The following ZNF599 variants were observed in gnomAD, a reference collection of about 807,000 sequenced individuals.
The protein encoded by ZNF599 is zinc finger protein 599.
Under a neutral mutation model 11.7 loss-of-function variants are expected in ZNF599, and 10 were observed. The ratio of observed to expected loss-of-function variants is 0.86; its 90% confidence interval spans 0.53 to 1.45. The LOEUF is 1.45. ZNF599 is among the 40% of genes most tolerant of loss of function. The pLI is 0.00. For missense variants in ZNF599, 688 were observed against 713.6 expected (o/e 0.96, Z 0.41); for synonymous variants, 232 against 253.2 (o/e 0.92, Z 0.79).
chr19:34,773,864 G>A (rs1057439344), upstream of ZNF599, among the ~76,000 whole-genome samples: 6 of 152,154 alleles, frequency 3.9e-5, no homozygotes, highest in South Asian at 2.1e-4. Flanking sequence ...GGAACATACC[G>A]ATAAGAACAT....
chr19:34,807,503 C>T, the ZNF599 span, among the ~76,000 whole-genome samples: 1 of 152,218 alleles, frequency 6.6e-6, no homozygotes, highest in South Asian at 2.1e-4. Flanking sequence ...TTCCTGTTGC[C>T]TTCGCCTCCT....
At chr19:34,804,201 G>A in the ZNF599 span, among the ~76,000 whole-genome samples, 1 of 152,346 alleles carries the variant, frequency 6.6e-6, no homozygotes, top group African/African-American at 2.4e-5. Context: ...TTGCCCCTGT[G>A]CTAATCCACT....
chr19:34,761,979 T>C (rs1192250788), intron 3 of ZNF599, among the ~76,000 whole-genome samples: 1 of 152,106 alleles, frequency 6.6e-6, no homozygotes, highest in African/African-American at 2.4e-5. Context: ...TAGTATCAGA[T>C]AGCAAACTAT....
rs1453731420 is a variant in ZNF599 at position 34,773,187 on chromosome 19, A to G, written c.-346T>C. 1 of 310,214 alleles carries G rather than the reference A, an allele frequency of 3.2e-6. No individual in the cohort carries two copies. The highest frequency in any genetic ancestry group is 5.9e-6 in the Non-Finnish European group (1 of 169,664). 19.2% of individuals were successfully genotyped at this position (310,214 alleles called of 1,614,324 possible). ...AGCGTTGGCAACCACAGCAGCCGCA[A>G]CCTAACGGCGGACGAAGACTGGACG... On this transcript the variant is annotated 5_prime_UTR_variant, in exon 1 of 4. Transcript: ENST00000329285.
the ZNF599 span, chr19:34,779,346 C>T: frequency 3.4e-6 from 1 of 294,294 alleles, no homozygotes; most frequent in Non-Finnish European, 6.5e-6. Context: ...AGCGATCCTA[C>T]TGCCTTGGCC....
Position 34,760,201 on chromosome 19 carries a change from T to C in ZNF599, c.600A>G (p.Thr200=). 2 of 1,614,146 alleles carry C rather than the reference T, an allele frequency of 1.2e-6. No homozygotes were observed. Among genetic ancestry groups the C allele is most frequent in the South Asian group, 1.1e-5 (1 of 91,084 alleles). ...PMTDARNNPY[T]CTECGKGFSK... ...TAAACCCTTTCCCACATTCCGTGCA[T>C]GTGTAAGGGTTATTCCTTGCATCAG... is the stretch of plus-strand genomic sequence containing the variant. Residue 200 remains threonine (T), a synonymous_variant, in exon 4 of 4, where the codon ACA becomes ACG. Coordinates refer to ENST00000329285, the MANE Select transcript of ZNF599 (RefSeq NM_001007248.3).
the ZNF599 span, among the ~76,000 whole-genome samples, chr19:34,805,658 A>G: frequency 6.6e-6 from 1 of 151,152 alleles, no homozygotes; most frequent in East Asian, 2.1e-4. Context: ...CTCCTCCCTC[A>G]CTCTCAAAAT....
At position 34,759,501 on chromosome 19, in the gene ZNF599, C is replaced by T; in HGVS notation, c.1300G>A (p.Asp434Asn). The change falls in exon 4 of 4, where the codon GAC (aspartate) becomes AAC (asparagine). Residue 434 changes from aspartate (D) to asparagine (N), a missense_variant. Physicochemically the swap from Asp to Asn is conservative, Grantham distance 23 (BLOSUM62 1). Transcript: ENST00000329285. ...ATATGTTGAATTAAGGAAGAGCTGT[C>T]ACAAAAGGCCTTCCCACATTCTTTG... ...ECKECGKAFC[D>N]SSSLIQHMRI... The T allele has an allele frequency of 6.2e-7, 1 of 1,613,852 alleles. No individual in the cohort carries two copies. The highest frequency in any genetic ancestry group is 8.5e-7 in the Non-Finnish European group (1 of 1,179,968).
rs2069084294 is a variant in ZNF599 at position 34,758,286 on chromosome 19, A to G, written c.*748T>C. ...CAGCATTCACTAATTCAGTGTGCAC[A>G]GAAAATTCACAGAACCTAACTACCA... On this transcript the variant is annotated 3_prime_UTR_variant, in exon 4 of 4. Transcript: ENST00000329285. 6.6e-6 allele frequency: 1 copy of G among 152,244 alleles called. No homozygotes were observed. The highest frequency in any genetic ancestry group is 1.5e-5 in the Non-Finnish European group (1 of 68,046). 9.4% of individuals were successfully genotyped at this position (152,244 alleles called of 1,614,324 possible). A position where few individuals can be genotyped will look rare whatever the true frequency, so the allele number is the denominator to read the frequency against.
chr19:34,802,589 G>A, the ZNF599 span, among the ~76,000 whole-genome samples: 2 of 152,172 alleles, frequency 1.3e-5, no homozygotes, highest in Non-Finnish European at 2.9e-5. Flanking sequence ...ACAGAGAGTT[G>A]GGGATTAGCC....
At chr19:34,786,974 A>G in the ZNF599 span, among the ~76,000 whole-genome samples, 1 of 152,150 alleles carries the variant, frequency 6.6e-6, no homozygotes, top group African/African-American at 2.4e-5. Context: ...TAACATTGGG[A>G]CCACCTGATA....
chr19:34,759,535 G>A lies in ZNF599; in HGVS notation c.1266C>T (p.Pro422=). The part of the protein sequence containing the change: ...RHKRTHTGEK[P]FECKECGKAF... The stretch of plus-strand genomic sequence containing the variant: ...CCTTCCCACATTCTTTGCACTCAAA[G>A]GGCTTCTCTCCGGTATGGGTCCTCT... The change falls in exon 4 of 4, where the codon CCC becomes CCT. Residue 422 remains proline (P), a synonymous_variant. Transcript: ENST00000329285. The A allele has an allele frequency of 6.2e-7, 1 of 1,613,848 alleles. No homozygotes were observed.
chr19:34,767,265 G>C, intron 3 of ZNF599, 51 bp downstream of exon 3: 1 of 1,419,046 alleles, frequency 7.0e-7, no homozygotes. Context: ...GTGATGCCTG[G>C]GTGGTCTGCA....
the ZNF599 span, among the ~76,000 whole-genome samples, chr19:34,780,923 G>A: frequency 6.6e-6 from 1 of 152,132 alleles, no homozygotes; most frequent in Non-Finnish European, 1.5e-5. Flanking sequence ...TTGGGAGGCC[G>A]AGGCAGGTGG....
chr19:34,760,911 A>C (rs1568492654), intron 3 of ZNF599, among the ~76,000 whole-genome samples: 1 of 152,190 alleles, frequency 6.6e-6, no homozygotes, highest in Non-Finnish European at 1.5e-5. Flanking sequence ...GGGAGGATAC[A>C]CTTAACATGG....
the ZNF599 span, among the ~76,000 whole-genome samples, chr19:34,785,148 G>A: frequency 1.8e-3 from 280 of 151,926 alleles, 3 homozygotes; most frequent in African/African-American, 6.3e-3. Context: ...TCAATTGGTG[G>A]CACATCTGTC....
chr19:34,762,215 A>G (rs140931364), intron 3 of ZNF599, among the ~76,000 whole-genome samples: 11 of 152,348 alleles, frequency 7.2e-5, no homozygotes, highest in African/African-American at 2.6e-4. Flanking sequence ...GAAGACATAC[A>G]TTGCCCAGTC....
chr19:34,790,431 C>T, the ZNF599 span, among the ~76,000 whole-genome samples: 3 of 152,052 alleles, frequency 2.0e-5, no homozygotes, highest in African/African-American at 4.8e-5. Flanking sequence ...TATTAATCAG[C>T]CTTAAAAAAG....
the ZNF599 span, among the ~76,000 whole-genome samples, chr19:34,797,082 C>G: frequency 6.6e-6 from 1 of 151,494 alleles, no homozygotes; most frequent in African/African-American, 2.4e-5. Flanking sequence ...TTTGTCCTTG[C>G]GATAGTTTGC....
Sources: gnomAD v4.1 joint callset for allele counts (sites outside exome capture counted in the v4.1 genomes callset) on GRCh38, gnomAD v4.1.1 for gene constraint, MANE v1.5 for transcripts, NCBI Gene and HGNC (gene_info 2026-07-23, HGNC 2026-07-21) for gene names.